The following UBA3 variants were observed in gnomAD, a reference collection of about 807,000 sequenced individuals.
UBA3 encodes NEDD8-activating enzyme E1 catalytic subunit.
Under a neutral mutation model 73.5 loss-of-function variants are expected in UBA3, and 26 were observed. The ratio of observed to expected loss-of-function variants is 0.35; its 90% confidence interval spans 0.26 to 0.49. The LOEUF (loss-of-function observed/expected upper bound fraction) is 0.49, where lower values mean the gene tolerates loss of function less well. Among genes scored for constraint, UBA3 ranks in the 20% least tolerant of loss-of-function variants. The probability of loss-of-function intolerance (pLI) is 0.98; values close to 1 mark genes in which losing one functional copy is unlikely to be tolerated. For synonymous variants in UBA3, 217 were observed against 191.2 expected, an observed-to-expected ratio of 1.13 and a Z score of -1.11; for missense variants, 495 against 555.6, an observed-to-expected ratio of 0.89 and a Z score of 1.10.
intron 5 of UBA3, among the ~76,000 whole-genome samples, chr3:69,070,562 C>T (rs1435952244): frequency 6.6e-6 from 1 of 152,194 alleles, no homozygotes; most frequent in African/African-American, 2.4e-5. Flanking sequence ...ACCTAAACTA[C>T]TCAAACCCCT....
At chr3:69,056,861 G>C (rs748894071) in intron 12 of UBA3, 46 bp from the exon 13 acceptor site, 2 of 1,583,108 alleles carry the variant, frequency 1.3e-6, no homozygotes, top group Non-Finnish European at 1.7e-6. Flanking sequence ...ATGGAAATTA[G>C]GCATGTTAAA....
Position 69,080,321 on chromosome 3 carries a change from C to A in UBA3, c.20+13G>T, listed in dbSNP as rs746711049. Reference sequence around the variant, plus strand: ...AGCCCAGCCCGGCGCGTCTGCAGAGCCCCGGTACTTACGGCTCCTCGCCAT... The same window carrying A: ...AGCCCAGCCCGGCGCGTCTGCAGAGACCCGGTACTTACGGCTCCTCGCCAT... On this transcript the variant is annotated intron_variant, in intron 1 of 17. Transcript: ENST00000361055. The A allele has an allele frequency of 1.9e-6, 3 of 1,604,452 alleles. No homozygotes were observed. The highest frequency in any genetic ancestry group is 1.3e-5 in the African/African-American group (1 of 74,800).
At chr3:69,055,630 A>G in intron 17 of UBA3, 105 bp from the exon 18 acceptor site, 1 of 944,674 alleles carries the variant, frequency 1.1e-6, no homozygotes, top group Non-Finnish European at 1.6e-6. Context: ...AAAACATCAA[A>G]ATCCAATCCT....
chr3:69,067,979 T>G lies in UBA3; in HGVS notation c.377A>C (p.Glu126Ala). 2 of 1,607,016 alleles carry G rather than the reference T, an allele frequency of 1.2e-6. No individual in the cohort carries two copies. The highest frequency in any genetic ancestry group is 1.7e-6 in the Non-Finnish European group (2 of 1,176,182). Residue 126 changes from glutamate (E) to alanine (A), a missense_variant, in exon 6 of 18, where the codon GAA (glutamate) becomes GCA (alanine). Glu to Ala is a moderately radical substitution (Grantham distance 107, BLOSUM62 -1). Transcript: ENST00000361055. Reference protein sequence around the residue: ...RPKDIGRPKAEVAAEFLNDRV... With the variant: ...RPKDIGRPKAAVAAEFLNDRV... ...GTCATTTAGAAATTCTGCAGCAACT[T>G]CAGCCTTAGGTCTTCCAATATCTTT...
intron 6 of UBA3, among the ~76,000 whole-genome samples, chr3:69,064,716 TAA>T (rs1239320857): frequency 1.3e-5 from 2 of 152,176 alleles, no homozygotes; most frequent in African/African-American, 4.8e-5. Context: ...CCCTGGAGGC[TAA>T]AAAGGAAACT....
In UBA3 at chr3:69,080,260, G is replaced by A. The variant is rs1559649546; in HGVS notation, c.20+74C>T. ...GGGGGTGTGGGGACCCCGGGTGGCG[G>A]CGGCAACCGCCCACCGCCGCGCTCT... On this transcript the variant is annotated intron_variant, in intron 1 of 17. Transcript: ENST00000361055. 5.7e-6 allele frequency: 9 copies of A among 1,573,682 alleles called. No individual in the cohort carries two copies. The South Asian group carries it at 5.8e-5, about 10-fold the overall frequency.
rs748533431 is a variant in UBA3, at chr3:69,071,536, T to C, written c.346A>G (p.Arg116Gly). ...VSNLNRQFLF[R>G]PKDIGRPKAE... ...AACCGCTAAGATATTAAAACTTACC[T>C]AAATAAAAACTGCCTATTTAGATTG... Residue 116 changes from arginine to glycine, a missense_variant and splice_region_variant, in exon 5 of 18, where the codon AGG (arginine) becomes GGG (glycine). Arg to Gly is a moderately radical substitution (Grantham distance 125). Coordinates refer to ENST00000361055, the MANE Select transcript of UBA3 (RefSeq NM_003968.4). 2.7e-5 allele frequency: 41 copies of C among 1,511,338 alleles called. No homozygotes were observed. The Middle Eastern group carries it at 1.6e-3, about 57-fold the overall frequency. 93.6% of individuals were successfully genotyped at this position (1,511,338 alleles called of 1,614,324 possible). A position where few individuals can be genotyped will look rare whatever the true frequency, so the allele number is the denominator to read the frequency against.
At chr3:69,076,871 G>A (rs1182000439) in intron 3 of UBA3, among the ~76,000 whole-genome samples, 1 of 151,842 alleles carries the variant, frequency 6.6e-6, no homozygotes, top group Non-Finnish European at 1.5e-5. Context: ...GGGATTACAG[G>A]CGTGAGCCAC....
intron 11 of UBA3, 148 bp from the exon 12 acceptor site, chr3:69,057,457 C>G: frequency 1.5e-6 from 1 of 677,084 alleles, no homozygotes; most frequent in East Asian, 2.8e-5. Flanking sequence ...ATGAAACAAT[C>G]TTTCACATCC....
chr3:69,055,928 T>C, intron 16 of UBA3, 23 bp from the exon 17 acceptor site: 9 of 1,605,990 alleles, frequency 5.6e-6, no homozygotes, highest in Non-Finnish European at 7.7e-6. Flanking sequence ...ATTACTTTAA[T>C]GTAAGACACA....
chr3:69,060,915 G>A (rs902596864), intron 11 of UBA3, among the ~76,000 whole-genome samples: 2 of 152,124 alleles, frequency 1.3e-5, no homozygotes, highest in South Asian at 4.1e-4. Flanking sequence ...GCTTCCTGAG[G>A]TCTCACCAGA....
intron 6 of UBA3, 115 bp from the exon 7 acceptor site, chr3:69,064,226 T>C: frequency 1.3e-6 from 1 of 798,342 alleles, no homozygotes; most frequent in Non-Finnish European, 1.9e-6. Flanking sequence ...GTAATCAATG[T>C]TCACATCAGT....
At position 69,056,815 on chromosome 3, in the gene UBA3, G is replaced by C. The variant is rs780984688; in HGVS notation, c.965C>G (p.Ala322Gly). 1 of 1,611,316 alleles carries C rather than the reference G, an allele frequency of 6.2e-7. No individual in the cohort carries two copies. The highest frequency in any genetic ancestry group is 8.5e-7 in the Non-Finnish European group (1 of 1,179,210). ...TTTAAAAACCTCAGTGGCACACACAGCTGAAGGGAGGAGAAAATACAGGTG... is the reference window on the plus strand; with the variant it reads ...TTTAAAAACCTCAGTGGCACACACACCTGAAGGGAGGAGAAAATACAGGTG... The part of the protein sequence containing the change: ...AVASTNAVIA[A>G]VCATEVFKIA... Residue 322 changes from alanine (A) to glycine (G), a missense_variant and splice_region_variant, in exon 13 of 18, where the codon GCT becomes GGT. Physicochemically the swap from Ala to Gly is moderately conservative, Grantham distance 60. Transcript: ENST00000361055.
intron 7 of UBA3, 94 bp downstream of exon 7, chr3:69,063,974 G>A (rs1428815049): frequency 2.8e-6 from 3 of 1,082,870 alleles, no homozygotes; most frequent in Non-Finnish European, 4.1e-6. Flanking sequence ...AGCAAGTGAA[G>A]AAATAGCCTT....
At chr3:69,080,214 G>GGGGGGCGAGGGGAC (rs1164512693) in intron 1 of UBA3, 61 bp from the exon 2 acceptor site, 7 of 1,536,074 alleles carry the variant, frequency 4.6e-6, no homozygotes, top group African/African-American at 1.4e-5. Context: ...CGCGAGGGGA[G>GGGGGGCGAGGGGAC]GGGGGCGAGG....
intron 6 of UBA3, among the ~76,000 whole-genome samples, chr3:69,064,600 G>A (rs2092051881): frequency 6.6e-6 from 1 of 152,060 alleles, no homozygotes; most frequent in Non-Finnish European, 1.5e-5. Context: ...AGATTTTACT[G>A]TTTTTATTTT....
chr3:69,079,775 T>G (rs1002463704), intron 2 of UBA3: 175 of 348,480 alleles, frequency 5.0e-4, no homozygotes, highest in Non-Finnish European at 7.7e-4. Context: ...TAAGGTAGAT[T>G]GCCTTTTCAC....
At position 69,056,289 on chromosome 3, in the gene UBA3, C is replaced by T. The variant is rs1387255138; in HGVS notation, c.1084-6G>A. On this transcript the variant is annotated splice_region_variant and splice_polypyrimidine_tract_variant and intron_variant, in intron 14 of 17. Transcript: ENST00000361055. Reference sequence around the variant, plus strand: ...CTACAAGCTGGGCAGTTTTCCTACACACATAATACACAACAAATTACAGCA... The same window carrying T: ...CTACAAGCTGGGCAGTTTTCCTACATACATAATACACAACAAATTACAGCA... The T allele has an allele frequency of 1.9e-6, 3 of 1,569,060 alleles. No homozygotes were observed. The highest frequency in any genetic ancestry group is 2.6e-6 in the Non-Finnish European group (3 of 1,160,926).
rs1381002138 is a variant in UBA3 at position 69,056,026 on chromosome 3, C to T, written c.1222G>A (p.Gly408Arg). ...KSPAITATLE[G>R]KNRTLYLQSV... is the part of the protein sequence containing the mutation. Reference sequence around the variant, plus strand: ...TGTAAGTAAAGTGTTCTATTTTTTCCCTCTAGGGTGGCTGTGATGGCTGGA... The same window carrying T: ...TGTAAGTAAAGTGTTCTATTTTTTCTCTCTAGGGTGGCTGTGATGGCTGGA... The change falls in exon 16 of 18, where the codon GGA becomes AGA. Residue 408 changes from glycine to arginine, a missense_variant. Coordinates refer to ENST00000361055, the MANE Select transcript of UBA3 (RefSeq NM_003968.4). 3 of 1,603,878 alleles carry T rather than the reference C, an allele frequency of 1.9e-6. No individual in the cohort carries two copies. Among genetic ancestry groups the T allele is most frequent in the Admixed American group, 1.7e-5 (1 of 57,746 alleles).
Sources: allele counts gnomAD v4.1 joint callset (sites outside exome capture counted in the v4.1 genomes callset), GRCh38; gene constraint gnomAD v4.1.1; transcripts MANE v1.5; gene names NCBI Gene and HGNC (gene_info 2026-07-23, HGNC 2026-07-21).